Variants in PPP1R7 observed in about 807,000 individuals in gnomAD.
PPP1R7 encodes the protein protein phosphatase 1 regulatory subunit 7, also known as protein phosphatase 1 regulatory subunit 22.
PPP1R7 carries 18 observed loss-of-function variants against 45.2 expected under a neutral mutation model. That is an observed-to-expected ratio of 0.40 (90% CI 0.28 to 0.59). The LOEUF is 0.59. Among genes scored for constraint, PPP1R7 ranks in the 20% least tolerant of loss-of-function variants. The pLI, the probability that PPP1R7 is intolerant of heterozygous loss-of-function variation, is 0.46. For missense variants in PPP1R7, 314 were observed against 455.8 expected, an observed-to-expected ratio of 0.69 and a Z score of 2.83; for synonymous variants, 181 against 183.4, an observed-to-expected ratio of 0.99 and a Z score of 0.11.
chr2:241,174,531 G>A (rs567841584), intron 9 of PPP1R7, among the ~76,000 whole-genome samples: 1 of 151,908 alleles, frequency 6.6e-6, no homozygotes, highest in Non-Finnish European at 1.5e-5. Flanking sequence ...CTTGGGTTCC[G>A]CCTCCTTGTG....
intron 3 of PPP1R7, 25 bp downstream of exon 3, chr2:241,157,887 C>T (rs201992867): frequency 4.2e-5 from 67 of 1,607,826 alleles, no homozygotes; most frequent in Middle Eastern, 3.3e-4. Flanking sequence ...TCAGCCCAGC[C>T]TTGGGCGTGG....
chr2:241,180,671 C>T (rs1275645710), intron 9 of PPP1R7, among the ~76,000 whole-genome samples: 3 of 148,692 alleles, frequency 2.0e-5, no homozygotes, highest in Non-Finnish European at 4.4e-5. Context: ...CTGCACTGGC[C>T]ACACAACCAG....
intron 2 of PPP1R7, among the ~76,000 whole-genome samples, chr2:241,157,170 A>G (rs991128243): frequency 6.6e-6 from 1 of 152,168 alleles, no homozygotes; most frequent in African/African-American, 2.4e-5. Flanking sequence ...TGCTGGAGTG[A>G]GTTCACCAGT....
At chr2:241,150,708 G>T (rs570971501) in intron 1 of PPP1R7, among the ~76,000 whole-genome samples, 161 bp downstream of exon 1, 57 of 152,178 alleles carry the variant, frequency 3.7e-4, no homozygotes, top group South Asian at 2.5e-3. Context: ...CGGGGGAGGC[G>T]CTGGACCTCG....
At chr2:241,150,039 C>T (rs2067211372), upstream of PPP1R7, 1 of 1,372,824 alleles carries the variant, frequency 7.3e-7, no homozygotes, top group Admixed American at 3.2e-5. Context: ...GCCAGCGAGG[C>T]TCGCAGAGGT....
At chr2:241,159,158 C>G in intron 4 of PPP1R7, 55 bp from the exon 5 acceptor site, 4 of 1,588,240 alleles carry the variant, frequency 2.5e-6, no homozygotes, top group African/African-American at 1.3e-5. Flanking sequence ...TCAGCTGAGG[C>G]CTTCTCGTGG....
chr2:241,182,080 T>C (rs968634013), intron 9 of PPP1R7, among the ~76,000 whole-genome samples: 1 of 151,928 alleles, frequency 6.6e-6, no homozygotes, highest in Non-Finnish European at 1.5e-5. Context: ...GCCAAGATGG[T>C]AAAATGTAGC....
intron 4 of PPP1R7, 35 bp downstream of exon 4, chr2:241,158,584 C>A: frequency 1.9e-6 from 3 of 1,582,424 alleles, no homozygotes; most frequent in South Asian, 2.2e-5. Flanking sequence ...CTATGACGCT[C>A]ACCCATAGGA....
At chr2:241,150,690 C>T (rs2067250730) in intron 1 of PPP1R7, 143 bp downstream of exon 1, 2 of 1,239,418 alleles carry the variant, frequency 1.6e-6, no homozygotes, top group Non-Finnish European at 2.1e-6. Flanking sequence ...CAGCCGGACC[C>T]GGGGGAGCGG....
intron 3 of PPP1R7, 138 bp downstream of exon 3, chr2:241,158,000 GT>G (rs1181597189): frequency 3.6e-6 from 3 of 832,682 alleles, no homozygotes; most frequent in Admixed American, 4.9e-5. Context: ...CCGTGTTCAT[GT>G]TTTTCTTACC....
intron 6 of PPP1R7, among the ~76,000 whole-genome samples, chr2:241,161,756 T>C (rs1419503583): frequency 1.3e-5 from 2 of 152,124 alleles, no homozygotes; most frequent in African/African-American, 2.4e-5. Context: ...AGGACTGACA[T>C]TGGAGGTGGA....
chr2:241,166,248 C>A (rs2067706870), intron 7 of PPP1R7, 89 bp from the exon 8 acceptor site: 2 of 1,100,440 alleles, frequency 1.8e-6, no homozygotes, highest in Non-Finnish European at 1.3e-6. Context: ...TAGAATTCTT[C>A]AAGATAACAC....
chr2:241,153,693 G>C, intron 2 of PPP1R7, 89 bp downstream of exon 2: 1 of 1,525,350 alleles, frequency 6.6e-7, no homozygotes, highest in South Asian at 1.2e-5. Flanking sequence ...TGGGTGCTGT[G>C]TCGGTCTGGA....
upstream of PPP1R7, chr2:241,150,215 G>C (rs182116419): frequency 7.8e-7 from 1 of 1,274,232 alleles, no homozygotes; most frequent in Non-Finnish European, 9.9e-7. Flanking sequence ...CTGCAGCTAC[G>C]GCTCTGTGCG....
intron 9 of PPP1R7, among the ~76,000 whole-genome samples, chr2:241,170,885 G>A (rs2067803001): frequency 6.6e-6 from 1 of 152,190 alleles, no homozygotes; most frequent in Non-Finnish European, 1.5e-5. Flanking sequence ...AGGCCAGGGG[G>A]AGCCTCAATG....
chr2:241,171,741 A>T (rs1383865298), intron 9 of PPP1R7, among the ~76,000 whole-genome samples: 1 of 152,194 alleles, frequency 6.6e-6, no homozygotes, highest in Non-Finnish European at 1.5e-5. Context: ...ACATATTTAG[A>T]ATTGAGGAAT....
In PPP1R7 at chr2:241,157,852, G is replaced by A; in HGVS notation, c.227G>A (p.Arg76Lys). The part of the protein sequence containing the change: ...PVDMETINLD[R>K]DAEDVDLNHY... ...GACATGGAAACCATCAACCTGGACA[G>A]AGATGCAGAGGTAATGCCGCCTGCT... Residue 76 changes from arginine to lysine, a missense_variant, in exon 3 of 10, where the codon AGA becomes AAA. Transcript: ENST00000234038. The A allele has an allele frequency of 6.2e-7, 1 of 1,614,106 alleles. No individual in the cohort carries two copies. Among genetic ancestry groups the A allele is most frequent in the East Asian group, 2.2e-5 (1 of 44,888 alleles).
intron 9 of PPP1R7, among the ~76,000 whole-genome samples, chr2:241,173,579 G>A (rs1315422368): frequency 1.3e-5 from 2 of 152,120 alleles, no homozygotes; most frequent in Non-Finnish European, 2.9e-5. Context: ...AGGGTTAACT[G>A]GGTCTGTGAA....
chr2:241,152,062 A>G (rs1186500517), intron 1 of PPP1R7, among the ~76,000 whole-genome samples: 1 of 152,208 alleles, frequency 6.6e-6, no homozygotes, highest in Non-Finnish European at 1.5e-5. Context: ...ATTGTCATGC[A>G]GTAGAACTTT....
Sources: gnomAD v4.1 joint callset for allele counts (sites outside exome capture counted in the v4.1 genomes callset) on GRCh38, gnomAD v4.1.1 for gene constraint, MANE v1.5 for transcripts, NCBI Gene and HGNC (gene_info 2026-07-23, HGNC 2026-07-21) for gene names.